The following FUBP3 variants were observed in gnomAD, a reference collection of about 807,000 sequenced individuals.
FUBP3 encodes far upstream element-binding protein 3.
In FUBP3, 28 loss-of-function variants were observed where a neutral mutation model predicts 85.6. That is an observed-to-expected ratio of 0.33 (90% CI 0.24 to 0.45). FUBP3 has a LOEUF of 0.45. FUBP3 is among the 20% of genes least tolerant of loss of function. The probability of loss-of-function intolerance (pLI) is 1.00; values close to 1 mark genes in which losing one functional copy is unlikely to be tolerated. For synonymous variants in FUBP3, 271 were observed against 271.4 expected, an observed-to-expected ratio of 1.00 and a Z score of 0.01; for missense variants, 583 against 755.1, an observed-to-expected ratio of 0.77 and a Z score of 2.67.
intron 9 of FUBP3, among the ~76,000 whole-genome samples, chr9:130,621,971 T>C (rs1829769441): frequency 6.6e-6 from 1 of 151,944 alleles, no homozygotes; most frequent in African/African-American, 2.4e-5. Flanking sequence ...AAAAATGTCC[T>C]TTATTATATC....
intron 2 of FUBP3, among the ~76,000 whole-genome samples, chr9:130,608,716 C>G (rs1391644000): frequency 6.6e-6 from 1 of 152,164 alleles, no homozygotes; most frequent in African/African-American, 2.4e-5. Context: ...TGGCTGTAGA[C>G]CATTATCTTG....
intron 18 of FUBP3, 109 bp downstream of exon 18, chr9:130,636,235 C>T (rs757376014): frequency 1.8e-6 from 2 of 1,118,962 alleles, no homozygotes; most frequent in Non-Finnish European, 2.7e-6. Context: ...TAGGAGGAAC[C>T]TCTGGGCGCC....
intron 2 of FUBP3, among the ~76,000 whole-genome samples, chr9:130,603,615 C>T (rs970240519): frequency 6.6e-5 from 10 of 152,164 alleles, no homozygotes; most frequent in Non-Finnish European, 1.2e-4. Flanking sequence ...GGTTGGTGGA[C>T]AGTTGGCTTA....
chr9:130,630,913 C>A, intron 13 of FUBP3, 125 bp downstream of exon 13: 1 of 736,202 alleles, frequency 1.4e-6, no homozygotes, highest in Non-Finnish European at 2.0e-6. Context: ...CACACGAGGG[C>A]AAGCCCCCTC....
At chr9:130,605,916 G>A (rs1372239137) in intron 2 of FUBP3, among the ~76,000 whole-genome samples, 3 of 152,160 alleles carry the variant, frequency 2.0e-5, no homozygotes, top group Non-Finnish European at 2.9e-5. Context: ...CCCGGGAGGC[G>A]GAGGTTGCAG....
At chr9:130,636,344 T>TG in intron 18 of FUBP3, 2 of 656,418 alleles carry the variant, frequency 3.0e-6, no homozygotes, top group South Asian at 3.3e-5. Flanking sequence ...GTGGGAGGAT[T>TG]GGGGGCGCAG....
intron 2 of FUBP3, among the ~76,000 whole-genome samples, chr9:130,608,319 T>C (rs1480161567): frequency 6.6e-6 from 1 of 152,154 alleles, no homozygotes; most frequent in Non-Finnish European, 1.5e-5. Flanking sequence ...CTTTACCCAC[T>C]AAGAGGGGAA....
intron 2 of FUBP3, among the ~76,000 whole-genome samples, chr9:130,597,536 G>A (rs1016076184): frequency 1.3e-5 from 2 of 152,182 alleles, no homozygotes; most frequent in African/African-American, 4.8e-5. Flanking sequence ...AAGACTGTGA[G>A]CCTAGAAGGT....
chr9:130,606,890 G>A (rs924216813), intron 2 of FUBP3, among the ~76,000 whole-genome samples: 18 of 147,738 alleles, frequency 1.2e-4, no homozygotes, highest in African/African-American at 4.1e-4. Context: ...GTTTCTTTTG[G>A]AGGAGAAAAA....
chr9:130,591,387 G>A (rs1830620680), intron 1 of FUBP3, among the ~76,000 whole-genome samples: 1 of 152,182 alleles, frequency 6.6e-6, no homozygotes, highest in South Asian at 2.1e-4. Flanking sequence ...AGGTTGCAGT[G>A]AGCCAAGAAC....
Position 130,617,743 on chromosome 9 carries a change from G to A in FUBP3, c.568-54G>A, listed in dbSNP as rs1187544449. 9.0e-6 allele frequency: 10 copies of A among 1,106,558 alleles called. No homozygotes were observed. The East Asian group carries it at 2.3e-4, about 26-fold the overall frequency. The allele number at this position is 1,106,558 out of a possible 1,614,324, so 68.5% of individuals were successfully genotyped here. A position where few individuals can be genotyped will look rare whatever the true frequency, so the allele number is the denominator to read the frequency against. The stretch of plus-strand genomic sequence containing the variant: ...ACTGGGTCCGATTTTGTGCTGCCCT[G>A]CATTTCATGCCCTGCATTATTCATG... On this transcript the variant is annotated intron_variant, in intron 7 of 18. Transcript: ENST00000319725.
At position 130,616,790 on chromosome 9, in the gene FUBP3, G is replaced by C. The variant is rs1337481807; in HGVS notation, c.567+273G>C. Among the ~76,000 whole-genome samples, 1 of 152,250 alleles carries C rather than the reference G, an allele frequency of 6.6e-6. No individual in the cohort carries two copies. The highest frequency in any genetic ancestry group is 1.5e-5 in the Non-Finnish European group (1 of 68,044). ...GCCTTTTTGGCAGTGAGCTCTGTGA[G>C]GGCTGCTTTTATCATCATAGGACAG... On this transcript the variant is annotated intron_variant, in intron 7 of 18. Transcript: ENST00000319725. The surrounding 1 kb of genome is among the most constrained non-coding windows in gnomAD (Gnocchi z 4.7).
rs866999212 is a variant in FUBP3, at chr9:130,616,183, G to A, written c.405-172G>A. Among the ~76,000 whole-genome samples the A allele has an allele frequency of 7.9e-5, 12 of 152,158 alleles. No homozygotes were observed. Among genetic ancestry groups the A allele is most frequent in the African/African-American group, 2.7e-4 (11 of 41,416 alleles). ...GTGTGTTGCTTTTAAATTCCAGCCCGGTAGCGTGGCGGATGGCAGAGAGAC... is the reference window on the plus strand; with the variant it reads ...GTGTGTTGCTTTTAAATTCCAGCCCAGTAGCGTGGCGGATGGCAGAGAGAC... On this transcript the variant is annotated intron_variant, in intron 6 of 18. Coordinates refer to ENST00000319725, the MANE Select transcript of FUBP3 (RefSeq NM_003934.2). The surrounding 1 kb of genome is among the most constrained non-coding windows in gnomAD (Gnocchi z 4.7).
At chr9:130,609,230 G>A (rs1831616487) in intron 2 of FUBP3, among the ~76,000 whole-genome samples, 1 of 152,206 alleles carries the variant, frequency 6.6e-6, no homozygotes, top group Non-Finnish European at 1.5e-5. Context: ...GGAACAAAAA[G>A]TGTAGCTAAA....
chr9:130,594,598 A>AT (rs1385044105), intron 1 of FUBP3, among the ~76,000 whole-genome samples: 1 of 152,052 alleles, frequency 6.6e-6, no homozygotes, highest in Non-Finnish European at 1.5e-5. Context: ...AAAATAATAA[A>AT]TTTTAAAAAA....
In FUBP3 at chr9:130,612,583, A is replaced by G. The variant is rs1380588825; in HGVS notation, c.274+78A>G. On this transcript the variant is annotated intron_variant, in intron 4 of 18. Transcript: ENST00000319725. This position sits in a 1 kb window ranked among gnomAD's most constrained non-coding sequence, Gnocchi z 4.1. ...CTCTTTTTTTCTGAGCTGCTTTGCCAGGATGTTCTTTTTGTTTTAATCTCT... is the reference window on the plus strand; with the variant it reads ...CTCTTTTTTTCTGAGCTGCTTTGCCGGGATGTTCTTTTTGTTTTAATCTCT... 2.2e-6 allele frequency: 2 copies of G among 926,050 alleles called. No homozygotes were observed. The highest frequency in any genetic ancestry group is 2.4e-5 in the East Asian group (1 of 41,766). The allele number at this position is 926,050 out of a possible 1,614,324, so 57.4% of individuals were successfully genotyped here. A position where few individuals can be genotyped will look rare whatever the true frequency, so the allele number is the denominator to read the frequency against.
chr9:130,579,858 C>A, intron 1 of FUBP3, 94 bp downstream of exon 1: 1 of 733,628 alleles, frequency 1.4e-6, no homozygotes, highest in Non-Finnish European at 1.9e-6. Flanking sequence ...CGGGAGGCAG[C>A]CTGAACCGAC....
rs886396547 is a variant in FUBP3, at chr9:130,609,613, A to G, written c.191-341A>G. On this transcript the variant is annotated intron_variant, in intron 2 of 18. Transcript: ENST00000319725. ...AAAAGAGAAAGAAGGATCTCTTTCC[A>G]TCTTTACATTGAGTTTGGATCCAGA... 3.9e-5 allele frequency among the ~76,000 whole-genome samples: 6 copies of G among 152,228 alleles called. No homozygotes were observed. The South Asian group carries it at 8.3e-4, about 21-fold the overall frequency.
chr9:130,592,683 A>G lies in FUBP3; in HGVS notation c.85-2800A>G, dbSNP rs191475593. Among the ~76,000 whole-genome samples, 3 of 151,760 alleles carry G rather than the reference A, an allele frequency of 2.0e-5. No homozygotes were observed. In the East Asian group the frequency reaches 5.9e-4, roughly 30 times the overall value. On this transcript the variant is annotated intron_variant, in intron 1 of 18. Coordinates refer to ENST00000319725, the MANE Select transcript of FUBP3 (RefSeq NM_003934.2). ...CTCAGCCTCCTGAGTAGCCGGGACTACAGGAATGCACCACCACGCACAGCT... is the reference window on the plus strand; with the variant it reads ...CTCAGCCTCCTGAGTAGCCGGGACTGCAGGAATGCACCACCACGCACAGCT...
Sources: gnomAD v4.1 joint callset for allele counts (sites outside exome capture counted in the v4.1 genomes callset) on GRCh38, gnomAD v4.1.1 for gene constraint, Gnocchi (gnomAD v3.1) non-coding constraint, MANE v1.5 for transcripts, NCBI Gene and HGNC (gene_info 2026-07-23, HGNC 2026-07-21) for gene names.